Variants in ARHGAP31 observed in about 807,000 individuals in gnomAD.
ARHGAP31 encodes rho GTPase-activating protein 31.
ARHGAP31 carries 34 observed loss-of-function variants against 113.9 expected under a neutral mutation model. The observed-to-expected ratio is 0.30, with a 90% CI of 0.23 to 0.40. The LOEUF is 0.40. Ranked by LOEUF, ARHGAP31 falls within the 10% of genes least tolerant of loss-of-function variation. ARHGAP31 has a pLI of 1.00. For missense variants in ARHGAP31, 1,548 were observed against 1,767.1 expected, an observed-to-expected ratio of 0.88 and a Z score of 2.22; for synonymous variants, 650 against 684.8, an observed-to-expected ratio of 0.95 and a Z score of 0.79.
intron 1 of ARHGAP31, among the ~76,000 whole-genome samples, chr3:119,361,665 A>G (rs1415854028): frequency 6.6e-6 from 1 of 152,236 alleles, no homozygotes. Flanking sequence ...TACAGGCGTG[A>G]GCCACTGTGC....
intron 7 of ARHGAP31, among the ~76,000 whole-genome samples, chr3:119,393,191 G>A (rs1256850941): frequency 1.3e-5 from 2 of 152,140 alleles, no homozygotes; most frequent in Non-Finnish European, 2.9e-5. Context: ...ACCGATTCTT[G>A]CATCTGTTTG....
rs753246679 is a variant in ARHGAP31, at chr3:119,415,746, T to C, written c.3817T>C (p.Ser1273Pro). Reference protein sequence around the residue: ...PKQDPGAIKSSPVDATAPCMC... With the variant: ...PKQDPGAIKSPPVDATAPCMC... ...GCAAGATCCCGGAGCCATTAAGTCC[T>C]CACCAGTGGATGCCACTGCACCCTG... The change falls in exon 12 of 12, where the codon TCA (serine) becomes CCA (proline). Residue 1273 changes from serine (S) to proline (P), a missense_variant. By Grantham distance (74) the Ser-to-Pro change is moderately conservative. Coordinates refer to ENST00000264245, the MANE Select transcript of ARHGAP31 (RefSeq NM_020754.4). 1.2e-6 allele frequency: 2 copies of C among 1,614,216 alleles called. No homozygotes were observed. Among genetic ancestry groups the C allele is most frequent in the East Asian group, 2.2e-5 (1 of 44,880 alleles).
chr3:119,366,535 A>G (rs941032640), intron 2 of ARHGAP31, among the ~76,000 whole-genome samples: 9 of 152,086 alleles, frequency 5.9e-5, no homozygotes, highest in African/African-American at 2.2e-4. Context: ...ATTTACTAGT[A>G]CTCCATTTAT....
intron 1 of ARHGAP31, among the ~76,000 whole-genome samples, chr3:119,336,513 C>T (rs1259380547): frequency 2.0e-5 from 3 of 152,030 alleles, no homozygotes; most frequent in Non-Finnish European, 4.4e-5. Flanking sequence ...GACAATAAAA[C>T]CAAGAGTGGG....
rs560576364 is a variant in ARHGAP31, at chr3:119,370,621, A to G, written c.348+2105A>G. Among the ~76,000 whole-genome samples, 5 of 152,104 alleles carry G rather than the reference A, an allele frequency of 3.3e-5. No individual in the cohort carries two copies. In the South Asian group the frequency reaches 1.0e-3, roughly 32 times the overall value. On this transcript the variant is annotated intron_variant, in intron 3 of 11. Coordinates refer to ENST00000264245, the MANE Select transcript of ARHGAP31 (RefSeq NM_020754.4). ...TCACACACACTCACTTGTCAGTACT[A>G]CATATTGCTGTTTGGGGGATGCTTT...
intron 3 of ARHGAP31, among the ~76,000 whole-genome samples, chr3:119,375,004 C>CT (rs368829009): frequency 4.3e-4 from 64 of 147,986 alleles, no homozygotes; most frequent in South Asian, 6.5e-4. Flanking sequence ...GATCAAACTG[C>CT]TTTTTTTTTT....
At chr3:119,300,657 C>T (rs905198915) in intron 1 of ARHGAP31, among the ~76,000 whole-genome samples, 2 of 151,762 alleles carry the variant, frequency 1.3e-5, no homozygotes, top group African/African-American at 2.4e-5. Context: ...GGTGAAACCC[C>T]GTCTCTACTA....
chr3:119,415,691 C>G lies in ARHGAP31; in HGVS notation c.3762C>G (p.Ser1254=). The stretch of plus-strand genomic sequence containing the variant: ...CTGCCAAAGATGATTCTCCCTCCTC[C>G]CTGGAAAGCTCAAAGGAAGAAAAAC... ...QKPAKDDSPS[S]LESSKEEKPK... The change falls in exon 12 of 12, where the codon TCC becomes TCG. Residue 1254 remains serine, a synonymous_variant. Transcript: ENST00000264245. 6.2e-7 allele frequency: 1 copy of G among 1,614,058 alleles called. No homozygotes were observed. The highest frequency in any genetic ancestry group is 8.5e-7 in the Non-Finnish European group (1 of 1,179,978).
intron 1 of ARHGAP31, among the ~76,000 whole-genome samples, chr3:119,362,667 C>T (rs1442041519): frequency 6.6e-6 from 1 of 151,548 alleles, no homozygotes; most frequent in Non-Finnish European, 1.5e-5. Flanking sequence ...ACTCGGGAGG[C>T]TGAGGCAGGA....
intron 8 of ARHGAP31, among the ~76,000 whole-genome samples, chr3:119,398,435 C>G (rs2080570492): frequency 6.6e-6 from 1 of 152,142 alleles, no homozygotes; most frequent in African/African-American, 2.4e-5. Flanking sequence ...GCCCTCTTTC[C>G]CCTCCTGACA....
At position 119,419,906 on chromosome 3, in the gene ARHGAP31, G is replaced by C. The variant is rs2080808150; in HGVS notation, c.*3642G>C. The C allele has an allele frequency of 6.6e-6, 1 of 152,162 alleles. No individual in the cohort carries two copies. The highest frequency in any genetic ancestry group is 1.5e-5 in the Non-Finnish European group (1 of 68,026). 9.4% of individuals were successfully genotyped at this position (152,162 alleles called of 1,614,324 possible). The stretch of plus-strand genomic sequence containing the variant: ...TGAAGTGTGAGATCTCTGCAAATGA[G>C]CCAGGTAAGATCAGTATTCCATAGT... On this transcript the variant is annotated 3_prime_UTR_variant, in exon 12 of 12. Transcript: ENST00000264245.
intron 1 of ARHGAP31, among the ~76,000 whole-genome samples, chr3:119,362,494 G>A (rs1292912170): frequency 6.6e-6 from 1 of 152,126 alleles, no homozygotes; most frequent in Non-Finnish European, 1.5e-5. Flanking sequence ...GAGGCTGGGC[G>A]AGGTGGCTCA....
Position 119,382,334 on chromosome 3 carries a change from C to T in ARHGAP31, c.474C>T (p.Ser158=). 3.1e-6 allele frequency: 5 copies of T among 1,614,182 alleles called. No homozygotes were observed. Among genetic ancestry groups the T allele is most frequent in the Non-Finnish European group, 4.2e-6 (5 of 1,180,026 alleles). The change falls in exon 5 of 12, where the codon TCC becomes TCT. Residue 158 remains serine (S), a synonymous_variant. Transcript: ENST00000264245. ...YLIRHLAHIA[S]FSSKTNMHAR... is the part of the protein sequence containing the mutation. Reference sequence around the variant, plus strand: ...TTCGACACCTGGCCCATATCGCCTCCTTCAGCAGCAAGACCAACATGCACG... The same window carrying T: ...TTCGACACCTGGCCCATATCGCCTCTTTCAGCAGCAAGACCAACATGCACG...
chr3:119,381,985 CAA>C (rs10719267), intron 4 of ARHGAP31, among the ~76,000 whole-genome samples: 155 of 62,092 alleles, frequency 2.5e-3, no homozygotes, highest in African/African-American at 3.8e-3. Context: ...GACTCCGTCT[CAA>C]AAAAAAAAAA....
chr3:119,414,800 C>A lies in ARHGAP31; in HGVS notation c.2871C>A (p.Ser957Arg). The change falls in exon 12 of 12, where the codon AGC (serine) becomes AGA (arginine). Residue 957 changes from serine (S) to arginine (R), a missense_variant. Coordinates refer to ENST00000264245, the MANE Select transcript of ARHGAP31 (RefSeq NM_020754.4). ...TTCGCCAGAGCCATTCTCTAGATAG[C>A]AAACCCACGGTTAAAAGCCAGTGGA... ...PSLRQSHSLD[S>R]KPTVKSQWTL... 1 of 1,614,240 alleles carries A rather than the reference C, an allele frequency of 6.2e-7. No homozygotes were observed.
In ARHGAP31 at chr3:119,420,361, C is replaced by T. The variant is rs1243051853; in HGVS notation, c.*4097C>T. ...AAGAATATGTGCTCTACTACCAAAA[C>T]CTTTCCTAGCAAAACAAGGCCAGAA... is the stretch of plus-strand genomic sequence containing the variant. On this transcript the variant is annotated 3_prime_UTR_variant, in exon 12 of 12. Coordinates refer to ENST00000264245, the MANE Select transcript of ARHGAP31 (RefSeq NM_020754.4). The T allele has an allele frequency of 6.6e-6, 1 of 150,534 alleles. No individual in the cohort carries two copies. Among genetic ancestry groups the T allele is most frequent in the East Asian group, 2.0e-4 (1 of 5,040 alleles). 9.3% of individuals were successfully genotyped at this position (150,534 alleles called of 1,614,324 possible).
intron 11 of ARHGAP31, among the ~76,000 whole-genome samples, chr3:119,410,314 A>G (rs2080704761): frequency 6.6e-6 from 1 of 152,248 alleles, no homozygotes; most frequent in Admixed American, 6.5e-5. Flanking sequence ...GGAATTTTCC[A>G]AGAAGGTTTT....
rs183822008 is a variant in ARHGAP31, at chr3:119,372,559, A to G, written c.348+4043A>G. On this transcript the variant is annotated intron_variant, in intron 3 of 11. Coordinates refer to ENST00000264245, the MANE Select transcript of ARHGAP31 (RefSeq NM_020754.4). ...TGGCCTCCCAAAGTGCTGGGATTAC[A>G]GGCGTGAACCACCGCACCCGGCCTA... 3.3e-3 allele frequency among the ~76,000 whole-genome samples: 496 copies of G among 152,318 alleles called. 5 individuals carry two copies. Among genetic ancestry groups the G allele is most frequent in the African/African-American group, 0.011 (463 of 41,564 alleles).
chr3:119,397,826 C>A (rs1450413186), intron 8 of ARHGAP31, among the ~76,000 whole-genome samples: 1 of 152,212 alleles, frequency 6.6e-6, no homozygotes, highest in East Asian at 1.9e-4. Context: ...CCTGTCTTCC[C>A]TTTTGTTGCT....
Sources: gnomAD v4.1 joint callset for allele counts (sites outside exome capture counted in the v4.1 genomes callset) on GRCh38, gnomAD v4.1.1 for gene constraint, MANE v1.5 for transcripts, NCBI Gene and HGNC (gene_info 2026-07-23, HGNC 2026-07-21) for gene names.